CCSER1: variants seen among roughly 807,000 people sequenced by gnomAD.
CCSER1 encodes the protein serine-rich coiled-coil domain-containing protein 1.
A neutral mutation model predicts 82.0 loss-of-function variants in CCSER1; 41 were observed. The ratio of observed to expected loss-of-function variants is 0.50; its 90% CI spans 0.39 to 0.65. The LOEUF (loss-of-function observed/expected upper bound fraction) is 0.65, where lower values mean the gene tolerates loss of function less well. Ranked by LOEUF, CCSER1 falls within the 30% of genes least tolerant of loss-of-function variation. The pLI is 0.00. For synonymous variants in CCSER1, 414 were observed against 383.9 expected, an observed-to-expected ratio of 1.08 and a Z score of -0.92; for missense variants, 1,119 against 1,064.2, an observed-to-expected ratio of 1.05 and a Z score of -0.72.
intron 10 of CCSER1, among the ~76,000 whole-genome samples, chr4:91,209,053 C>T (rs1736580583): frequency 6.6e-6 from 1 of 151,882 alleles, no homozygotes; most frequent in Non-Finnish European, 1.5e-5. Context: ...AATTTTTGTA[C>T]ATTAATTTTG....
intron 1 of CCSER1, among the ~76,000 whole-genome samples, chr4:90,237,950 A>G (rs1746105350): frequency 6.6e-6 from 1 of 152,194 alleles, no homozygotes; most frequent in South Asian, 2.1e-4. Context: ...GCTAGTTAAT[A>G]TTCAACAGTT....
chr4:90,921,714 G>T (rs943273451), intron 8 of CCSER1, among the ~76,000 whole-genome samples: 2 of 151,954 alleles, frequency 1.3e-5, no homozygotes, highest in Non-Finnish European at 2.9e-5. Context: ...GCATTTGGCA[G>T]CTATTTTCCC....
chr4:90,389,081 G>A (rs770999903), intron 3 of CCSER1, among the ~76,000 whole-genome samples: 15 of 152,072 alleles, frequency 9.9e-5, no homozygotes, highest in Admixed American at 2.6e-4. Flanking sequence ...GAACTACAAC[G>A]ATTTTTAACA....
At chr4:91,271,046 A>G (rs1334498884) in intron 10 of CCSER1, among the ~76,000 whole-genome samples, 2 of 152,138 alleles carry the variant, frequency 1.3e-5, no homozygotes, top group East Asian at 3.8e-4. Flanking sequence ...AATAAGTTCT[A>G]TATCTGGATT....
intron 9 of CCSER1, among the ~76,000 whole-genome samples, chr4:91,052,941 A>G (rs1743132876): frequency 6.6e-6 from 1 of 152,114 alleles, no homozygotes; most frequent in African/African-American, 2.4e-5. Flanking sequence ...TAAAGTATTT[A>G]AAGTGTAGTA....
At chr4:90,144,335 A>G (rs947563452) in intron 1 of CCSER1, among the ~76,000 whole-genome samples, 1 of 152,206 alleles carries the variant, frequency 6.6e-6, no homozygotes, top group African/African-American at 2.4e-5. Context: ...GCTGTTTCCT[A>G]TTAAATATGA....
intron 3 of CCSER1, among the ~76,000 whole-genome samples, chr4:90,350,615 T>C (rs1743254608): frequency 6.6e-6 from 1 of 152,084 alleles, no homozygotes. Flanking sequence ...AGACATAAAT[T>C]AATTGGCTTT....
chr4:90,745,285 C>T (rs186474701), intron 7 of CCSER1, among the ~76,000 whole-genome samples: 1 of 152,192 alleles, frequency 6.6e-6, no homozygotes, highest in Non-Finnish European at 1.5e-5. Flanking sequence ...CATGCTGCAT[C>T]TCTCTGATTC....
At chr4:90,148,855 C>G (rs999823690) in intron 1 of CCSER1, among the ~76,000 whole-genome samples, 1 of 152,172 alleles carries the variant, frequency 6.6e-6, no homozygotes, top group Non-Finnish European at 1.5e-5. Context: ...TATACGTCTA[C>G]TTTCCTCCTA....
intron 10 of CCSER1, among the ~76,000 whole-genome samples, chr4:91,495,063 G>C (rs1038690099): frequency 1.3e-5 from 2 of 151,536 alleles, no homozygotes; most frequent in African/African-American, 2.4e-5. Flanking sequence ...TTAAATTAAT[G>C]AGTTTGCATG....
chr4:90,265,977 T>C (rs1725163601), intron 1 of CCSER1, among the ~76,000 whole-genome samples: 1 of 152,168 alleles, frequency 6.6e-6, no homozygotes, highest in Non-Finnish European at 1.5e-5. Context: ...CTTTGTAGCC[T>C]TCAGATATTT....
chr4:91,369,701 ACT>A (rs1749892959), intron 10 of CCSER1, among the ~76,000 whole-genome samples: 1 of 112,070 alleles, frequency 8.9e-6, no homozygotes. Flanking sequence ...ACAGTCTCTC[ACT>A]CTGTCACCAG....
intron 3 of CCSER1, among the ~76,000 whole-genome samples, chr4:90,341,926 G>A (rs1741448845): frequency 6.6e-6 from 1 of 152,102 alleles, no homozygotes; most frequent in South Asian, 2.1e-4. Context: ...AAACCTCAAT[G>A]TAAATATAAG....
intron 1 of CCSER1, among the ~76,000 whole-genome samples, chr4:90,171,777 T>A (rs1264477086): frequency 6.6e-6 from 1 of 151,848 alleles, no homozygotes; most frequent in Non-Finnish European, 1.5e-5. Flanking sequence ...CATGCTATGT[T>A]CCAGCACCCA....
At chr4:90,324,301 T>A (rs982848311) in intron 3 of CCSER1, among the ~76,000 whole-genome samples, 1 of 151,616 alleles carries the variant, frequency 6.6e-6, no homozygotes, top group African/African-American at 2.4e-5. Flanking sequence ...GTCAAAGTGT[T>A]CCTATTTCTC....
chr4:90,684,566 G>A (rs1734465727), intron 6 of CCSER1, among the ~76,000 whole-genome samples: 1 of 152,124 alleles, frequency 6.6e-6, no homozygotes, highest in East Asian at 1.9e-4. Flanking sequence ...GAGCCAGGAA[G>A]CATATAACAT....
intron 3 of CCSER1, among the ~76,000 whole-genome samples, chr4:90,358,356 C>T (rs373211501): frequency 6.6e-6 from 1 of 152,100 alleles, no homozygotes; most frequent in East Asian, 1.9e-4. Context: ...ACATCCTCCA[C>T]CACCAACTAG....
At chr4:91,411,483 C>CATATACACATATATAT (rs1753017035) in intron 10 of CCSER1, among the ~76,000 whole-genome samples, 6 of 69,226 alleles carry the variant, frequency 8.7e-5, no homozygotes, top group Non-Finnish European at 2.8e-5. Context: ...TAAATTTCTG[C>CATATACACATATATAT]ATATATACAT....
At chr4:90,534,160 C>G (rs148757763) in intron 5 of CCSER1, among the ~76,000 whole-genome samples, 1 of 152,190 alleles carries the variant, frequency 6.6e-6, no homozygotes, top group African/African-American at 2.4e-5. Context: ...GACACAGTCT[C>G]GCTCTGTTGC....
Sources: gnomAD v4.1 joint callset for allele counts (sites outside exome capture counted in the v4.1 genomes callset) on GRCh38, gnomAD v4.1.1 for gene constraint, MANE v1.5 for transcripts, NCBI Gene and HGNC (gene_info 2026-07-23, HGNC 2026-07-21) for gene names.